VGLL4: variants seen among roughly 807,000 people sequenced by gnomAD.
VGLL4 encodes the protein vestigial like family member 4, also known as transcription cofactor vestigial-like protein 4.
VGLL4 carries 7 observed loss-of-function variants against 21.0 expected under a neutral mutation model. That is an observed-to-expected ratio of 0.33 (90% CI 0.19 to 0.63). VGLL4 has a LOEUF of 0.63. Among genes scored for constraint, VGLL4 ranks in the 20% least tolerant of loss-of-function variants. VGLL4 has a pLI of 0.78. For synonymous variants in VGLL4, 222 were observed against 173.2 expected (o/e 1.28, Z -2.21); for missense variants, 394 against 425.7 (o/e 0.93, Z 0.66).
At chr3:11,688,630 G>C (rs1220998685) in intron 2 of VGLL4, among the ~76,000 whole-genome samples, 2 of 152,068 alleles carry the variant, frequency 1.3e-5, no homozygotes, top group African/African-American at 4.8e-5. Context: ...ATTCACCAAA[G>C]GTTTGTTTAA....
At chr3:11,618,135 C>A (rs1205110059) in intron 1 of VGLL4, among the ~76,000 whole-genome samples, 4 of 152,148 alleles carry the variant, frequency 2.6e-5, no homozygotes, top group Non-Finnish European at 4.4e-5. Context: ...TAAAAACTGA[C>A]TCCAATGAAA....
At chr3:11,623,217 G>A (rs2075297559) in intron 1 of VGLL4, among the ~76,000 whole-genome samples, 1 of 152,018 alleles carries the variant, frequency 6.6e-6, no homozygotes, top group Non-Finnish European at 1.5e-5. Context: ...CTGGCTGGAA[G>A]GAACAGAAGG....
chr3:11,717,872 C>T (rs958619883), intron 1 of VGLL4, among the ~76,000 whole-genome samples: 2 of 152,206 alleles, frequency 1.3e-5, no homozygotes, highest in African/African-American at 4.8e-5. Flanking sequence ...TATTACCACC[C>T]TTTTACAAAG....
Position 11,643,769 on chromosome 3 carries a change from A to C in VGLL4, c.-251T>G. ...TGTACTGTATCCCCGATCGAGTATG[A>C]AAACAGCGTTTCAGAAGTCCTTACA... On this transcript the variant is annotated 5_prime_UTR_variant, in exon 1 of 5. Coordinates refer to ENST00000430365, the MANE Select transcript of VGLL4 (RefSeq NM_001128219.3). The C allele has an allele frequency of 8.2e-7, 1 of 1,217,440 alleles. No individual in the cohort carries two copies. Among genetic ancestry groups the C allele is most frequent in the Middle Eastern group, 3.3e-4 (1 of 3,040 alleles). 75.4% of individuals were successfully genotyped at this position (1,217,440 alleles called of 1,614,324 possible). A position where few individuals can be genotyped will look rare whatever the true frequency, so the allele number is the denominator to read the frequency against.
chr3:11,666,248 CAAAAAA>C (rs61052269), intron 2 of VGLL4, among the ~76,000 whole-genome samples: 1 of 91,540 alleles, frequency 1.1e-5, no homozygotes. Context: ...GACTGCGCCT[CAAAAAA>C]AAAAAAAAAA....
At chr3:11,709,184 T>A (rs2076802795) in intron 1 of VGLL4, among the ~76,000 whole-genome samples, 1 of 152,014 alleles carries the variant, frequency 6.6e-6, no homozygotes, top group Non-Finnish European at 1.5e-5. Flanking sequence ...ATGCCTGTAA[T>A]CCCAGTACTT....
chr3:11,606,544 CT>C (rs35130837), intron 1 of VGLL4, among the ~76,000 whole-genome samples: 1 of 152,198 alleles, frequency 6.6e-6, no homozygotes, highest in Non-Finnish European at 1.5e-5. Context: ...ACTTAGAGAA[CT>C]TTTCTGTCTT....
At chr3:11,717,489 G>GTTTTTTTT in intron 1 of VGLL4, among the ~76,000 whole-genome samples, 1 of 50,408 alleles carries the variant, frequency 2.0e-5, no homozygotes, top group Non-Finnish European at 3.7e-5. Context: ...TCCCACTACA[G>GTTTTTTTT]ATTTTTTTTT....
At chr3:11,603,215 C>G (rs2074849176) in intron 1 of VGLL4, among the ~76,000 whole-genome samples, 2 of 152,040 alleles carry the variant, frequency 1.3e-5, no homozygotes, top group Admixed American at 1.3e-4. Flanking sequence ...GAATATTTAC[C>G]AGGAAAAATA....
chr3:11,559,437 T>C lies in VGLL4; in HGVS notation c.514A>G (p.Thr172Ala). ...TTGCGGGCGCCAGCCGAGGCACAGGTGATCACGGAGGGCCGGTTCTGCGGG... is the reference window on the plus strand; with the variant it reads ...TTGCGGGCGCCAGCCGAGGCACAGGCGATCACGGAGGGCCGGTTCTGCGGG... Reference protein sequence around the residue: ...ERQQNRPSVITCASAGARNCN... With the variant: ...ERQQNRPSVIACASAGARNCN... Residue 172 changes from threonine (T) to alanine (A), a missense_variant, in exon 4 of 5, where the codon ACC (threonine) becomes GCC (alanine). By Grantham distance (58) the Thr-to-Ala change is moderately conservative. Coordinates refer to ENST00000430365, the MANE Select transcript of VGLL4 (RefSeq NM_001128219.3). The C allele has an allele frequency of 6.4e-7, 1 of 1,566,326 alleles. No individual in the cohort carries two copies. The highest frequency in any genetic ancestry group is 1.2e-5 in the South Asian group (1 of 85,092).
rs149210535 is a variant in VGLL4, at chr3:11,653,513, G to A, written c.64+49458C>T. Among the ~76,000 whole-genome samples the A allele has an allele frequency of 9.3e-4, 142 of 152,046 alleles. No individual in the cohort carries two copies. The South Asian group carries it at 0.012, about 13-fold the overall frequency. ...TAGTACTCCATTACTCCAATATATCGCAGATCCTTCATTCTACCACTGATG... is the reference window on the plus strand; with the variant it reads ...TAGTACTCCATTACTCCAATATATCACAGATCCTTCATTCTACCACTGATG... On this transcript the variant is annotated intron_variant, in intron 2 of 5. Transcript: ENST00000273038. This position sits in a 1 kb window ranked among gnomAD's most constrained non-coding sequence, Gnocchi z 4.2.
In VGLL4 at chr3:11,711,718, A is replaced by G. The variant is rs962120898; in HGVS notation, c.-13-8671T>C. On this transcript the variant is annotated intron_variant, in intron 1 of 5. Transcript: ENST00000273038. ...GGTGACAGAGGGAGACCCTGTCTCA[A>G]AAAAAAAATAAAAAAGAATTTAGAG... Among the ~76,000 whole-genome samples the G allele has an allele frequency of 2.6e-5, 4 of 151,122 alleles. No homozygotes were observed. In the East Asian group the frequency reaches 7.7e-4, roughly 29 times the overall value.
intron 2 of VGLL4, among the ~76,000 whole-genome samples, chr3:11,650,752 C>T (rs754370842): frequency 3.3e-5 from 5 of 152,108 alleles, no homozygotes; most frequent in Admixed American, 1.3e-4. Context: ...CACAGACACA[C>T]ACTTTAACCT....
chr3:11,619,084 A>G, intron 1 of VGLL4, among the ~76,000 whole-genome samples: 1 of 152,248 alleles, frequency 6.6e-6, no homozygotes. Context: ...GTGACTTATT[A>G]TGAAGCCAAA....
chr3:11,650,087 T>C (rs2075848264), intron 2 of VGLL4, among the ~76,000 whole-genome samples: 1 of 152,114 alleles, frequency 6.6e-6, no homozygotes, highest in Admixed American at 6.5e-5. Flanking sequence ...CCACCGTGTC[T>C]GGCTAACTTT....
In VGLL4 at chr3:11,702,114, A is replaced by C. The variant is rs80299028; in HGVS notation, c.64+857T>G. Among the ~76,000 whole-genome samples the C allele has an allele frequency of 8.0e-3, 1,222 of 152,242 alleles. 20 individuals carry two copies. Among genetic ancestry groups the C allele is most frequent in the African/African-American group, 0.028 (1,176 of 41,532 alleles). ...TTTTCCATTATGACACATACTGTAC[A>C]TTTCCAACGACATAAATGACGTTCG... On this transcript the variant is annotated intron_variant, in intron 2 of 5. Transcript: ENST00000273038.
intron 1 of VGLL4, among the ~76,000 whole-genome samples, chr3:11,607,928 G>A (rs946796759): frequency 3.3e-5 from 5 of 152,178 alleles, no homozygotes; most frequent in Non-Finnish European, 5.9e-5. Flanking sequence ...AGTGTGTCGA[G>A]TGCCTGTGAC....
chr3:11,705,815 G>A (rs923342744), intron 1 of VGLL4, among the ~76,000 whole-genome samples: 1 of 152,198 alleles, frequency 6.6e-6, no homozygotes, highest in Non-Finnish European at 1.5e-5. Context: ...CAGCTACTGG[G>A]GAGGCTGAGG....
At chr3:11,627,230 A>ACACACTCTCTCTCT (rs1491347863) in intron 1 of VGLL4, 55 of 123,312 alleles carry the variant, frequency 4.5e-4, no homozygotes, top group African/African-American at 1.7e-3. Flanking sequence ...ACACACACAC[A>ACACACTCTCTCTCT]CTCTCTCTCT....
Sources: gnomAD v4.1 joint callset for allele counts (sites outside exome capture counted in the v4.1 genomes callset) on GRCh38, gnomAD v4.1.1 for gene constraint, Gnocchi (gnomAD v3.1) non-coding constraint, MANE v1.5 for transcripts, NCBI Gene and HGNC (gene_info 2026-07-23, HGNC 2026-07-21) for gene names.